Variants in SPRED1 observed in about 807,000 individuals in gnomAD.
The protein encoded by SPRED1 is sprouty-related, EVH1 domain-containing protein 1.
Under a neutral mutation model 52.3 loss-of-function variants are expected in SPRED1, and 18 were observed. The ratio of observed to expected loss-of-function variants is 0.34; its 90% CI spans 0.24 to 0.51. SPRED1 has a LOEUF of 0.51. Ranked by LOEUF, SPRED1 falls within the 20% of genes least tolerant of loss-of-function variation. The probability of loss-of-function intolerance (pLI) is 0.97; values close to 1 mark genes in which losing one functional copy is unlikely to be tolerated. For missense variants in SPRED1, 485 were observed against 551.0 expected (o/e 0.88, Z 1.20); for synonymous variants, 155 against 179.7 (o/e 0.86, Z 1.10).
intron 4 of SPRED1, among the ~76,000 whole-genome samples, chr15:38,335,416 C>T (rs192456348): frequency 4.6e-5 from 7 of 151,958 alleles, no homozygotes; most frequent in Non-Finnish European, 5.9e-5. Flanking sequence ...GGGCTTTGCA[C>T]TAAGACAGTG....
At chr15:38,309,023 A>G (rs1008241890) in intron 2 of SPRED1, among the ~76,000 whole-genome samples, 9 of 152,144 alleles carry the variant, frequency 5.9e-5, no homozygotes, top group Admixed American at 5.2e-4. Context: ...TCATTCTGAG[A>G]GATGTGTAGT....
In SPRED1 at chr15:38,322,309, G is replaced by C; in HGVS notation, c.276G>C (p.Trp92Cys). The change falls in exon 3 of 7, where the codon TGG becomes TGC. Residue 92 changes from tryptophan to cysteine, a missense_variant. Transcript: ENST00000299084. ...YNKVTPTFHH[W>C]KIDDKKFGLT... ...AGGTCACTCCAACATTTCACCACTG[G>C]AAGATTGATGACAAGAAGTTTGGTC... The C allele has an allele frequency of 1.2e-6, 2 of 1,613,830 alleles. No individual in the cohort carries two copies. The highest frequency in any genetic ancestry group is 1.7e-6 in the Non-Finnish European group (2 of 1,179,868).
At chr15:38,308,916 G>A (rs1895306117) in intron 2 of SPRED1, among the ~76,000 whole-genome samples, 1 of 152,092 alleles carries the variant, frequency 6.6e-6, no homozygotes, top group Non-Finnish European at 1.5e-5. Flanking sequence ...TTTCTAGAGT[G>A]GGTTTATCAT....
chr15:38,281,917 A>G (rs1376266837), intron 1 of SPRED1, among the ~76,000 whole-genome samples: 1 of 152,120 alleles, frequency 6.6e-6, no homozygotes, highest in East Asian at 1.9e-4. Flanking sequence ...TCTAGATGTA[A>G]AGTCGATACC....
chr15:38,288,400 A>G (rs1026115601), intron 1 of SPRED1, among the ~76,000 whole-genome samples: 11 of 152,232 alleles, frequency 7.2e-5, no homozygotes, highest in South Asian at 2.1e-4. Flanking sequence ...CGTAAATCCT[A>G]TTAATGGAGG....
intron 2 of SPRED1, among the ~76,000 whole-genome samples, chr15:38,301,835 GTTTTA>G (rs1402761013): frequency 6.6e-6 from 1 of 150,986 alleles, no homozygotes; most frequent in Non-Finnish European, 1.5e-5. Context: ...TTATTCATTG[GTTTTA>G]TTTTAACCCA....
At chr15:38,276,432 C>T (rs972847344) in intron 1 of SPRED1, among the ~76,000 whole-genome samples, 6 of 152,046 alleles carry the variant, frequency 3.9e-5, no homozygotes, top group African/African-American at 1.5e-4. Flanking sequence ...ATACTATACA[C>T]CCGTTAAATG....
chr15:38,326,600 C>A (rs188642615), intron 4 of SPRED1, among the ~76,000 whole-genome samples: 47 of 152,308 alleles, frequency 3.1e-4, no homozygotes, highest in Admixed American at 2.5e-3. Context: ...AAATGTATGT[C>A]ACTTAGCAGA....
chr15:38,259,714 T>C (rs1894167920), intron 1 of SPRED1, among the ~76,000 whole-genome samples: 1 of 151,300 alleles, frequency 6.6e-6, no homozygotes, highest in Non-Finnish European at 1.5e-5. Flanking sequence ...AGGTCACTTA[T>C]ACAAATCAGT....
intron 5 of SPRED1, among the ~76,000 whole-genome samples, chr15:38,344,282 G>A (rs1051789032): frequency 5.9e-5 from 9 of 152,134 alleles, no homozygotes; most frequent in African/African-American, 9.7e-5. Context: ...AAGAAAACAC[G>A]GTGAATGTAA....
At position 38,299,561 on chromosome 15, in the gene SPRED1, T is replaced by G; in HGVS notation, c.207+14T>G. ...AGGGACAAAATGGTAATGAATAATG[T>G]ATCTAATACTATAATTTTAGATAAT... is the stretch of plus-strand genomic sequence containing the variant. On this transcript the variant is annotated intron_variant, in intron 2 of 6. Coordinates refer to ENST00000299084, the MANE Select transcript of SPRED1 (RefSeq NM_152594.3). The G allele has an allele frequency of 6.2e-7, 1 of 1,608,938 alleles. No individual in the cohort carries two copies. The highest frequency in any genetic ancestry group is 8.5e-7 in the Non-Finnish European group (1 of 1,175,662).
At chr15:38,274,780 A>G (rs1894512549) in intron 1 of SPRED1, among the ~76,000 whole-genome samples, 1 of 152,168 alleles carries the variant, frequency 6.6e-6, no homozygotes, top group African/African-American at 2.4e-5. Flanking sequence ...TAACCTTGAC[A>G]CTTTTGAAGA....
intron 1 of SPRED1, among the ~76,000 whole-genome samples, chr15:38,272,042 G>A (rs933266003): frequency 6.6e-6 from 1 of 152,074 alleles, no homozygotes; most frequent in African/African-American, 2.4e-5. Context: ...TTAGGATAAT[G>A]GCCTCCAGCT....
chr15:38,305,489 A>C (rs1895235129), intron 2 of SPRED1, among the ~76,000 whole-genome samples: 1 of 151,800 alleles, frequency 6.6e-6, no homozygotes, highest in Admixed American at 6.6e-5. Flanking sequence ...TCAGTTCTTG[A>C]GGTAGTATAC....
chr15:38,310,308 T>A (rs191611513), intron 2 of SPRED1, among the ~76,000 whole-genome samples: 1 of 152,202 alleles, frequency 6.6e-6, no homozygotes, highest in Admixed American at 6.5e-5. Context: ...GCTCGCTAAT[T>A]TTTGTATATT....
At position 38,324,861 on chromosome 15, in the gene SPRED1, C is replaced by A. The variant is rs12595839; in HGVS notation, c.423+52C>A. 69,750 of 1,393,404 alleles carry A rather than the reference C, an allele frequency of 0.05. 3,171 individuals are homozygous for A. The highest frequency in any genetic ancestry group is 0.27 in the East Asian group (11,742 of 43,486). 86.3% of individuals were successfully genotyped at this position (1,393,404 alleles called of 1,614,324 possible). A position where few individuals can be genotyped will look rare whatever the true frequency, so the allele number is the denominator to read the frequency against. ...TAAACATAAAGGATGTGGAAGAAATCACTAGCCTTATTCAATAAACTTATC... is the reference window on the plus strand; with the variant it reads ...TAAACATAAAGGATGTGGAAGAAATAACTAGCCTTATTCAATAAACTTATC... On this transcript the variant is annotated intron_variant, in intron 4 of 6. Coordinates refer to ENST00000299084, the MANE Select transcript of SPRED1 (RefSeq NM_152594.3).
intron 4 of SPRED1, among the ~76,000 whole-genome samples, chr15:38,338,222 A>T (rs1202295333): frequency 6.6e-6 from 1 of 151,094 alleles, no homozygotes; most frequent in African/African-American, 2.4e-5. Flanking sequence ...AAAAGAAAAA[A>T]AAAAGGAAAG....
chr15:38,262,802 A>G (rs1894230879), intron 1 of SPRED1, among the ~76,000 whole-genome samples: 2 of 152,346 alleles, frequency 1.3e-5, no homozygotes, highest in African/African-American at 2.4e-5. Flanking sequence ...CATTAATTTT[A>G]TAGATGAAAC....
intron 1 of SPRED1, among the ~76,000 whole-genome samples, chr15:38,290,809 C>T (rs1894908909): frequency 6.6e-6 from 1 of 152,128 alleles, no homozygotes; most frequent in South Asian, 2.1e-4. Flanking sequence ...TGGGTCCCTC[C>T]TACAACATGT....
Sources: allele counts gnomAD v4.1 joint callset (sites outside exome capture counted in the v4.1 genomes callset), GRCh38; gene constraint gnomAD v4.1.1; transcripts MANE v1.5; gene names NCBI Gene and HGNC (gene_info 2026-07-23, HGNC 2026-07-21).